Variants in AGBL1 observed in about 807,000 individuals in gnomAD.
AGBL1 encodes AGBL carboxypeptidase 1.
A neutral mutation model predicts 118.9 loss-of-function variants in AGBL1; 130 were observed. The observed-to-expected ratio is 1.09, with a 90% CI of 0.95 to 1.26. The LOEUF is 1.26. AGBL1 is among the 50% of genes most tolerant of loss of function. The pLI is 0.00. For synonymous variants in AGBL1, 555 were observed against 478.9 expected, an observed-to-expected ratio of 1.16 and a Z score of -2.08; for missense variants, 1,584 against 1,298.1, an observed-to-expected ratio of 1.22 and a Z score of -3.38.
intron 6 of AGBL1, among the ~76,000 whole-genome samples, chr15:86,244,090 T>TAAATAA (rs869126841): frequency 1.1e-4 from 10 of 93,458 alleles, no homozygotes; most frequent in Non-Finnish European, 1.8e-4. Context: ...TAAATAAATA[T>TAAATAA]ATATATAAGT....
chr15:86,851,330 A>G (rs763120471), intron 22 of AGBL1, among the ~76,000 whole-genome samples: 3 of 152,160 alleles, frequency 2.0e-5, no homozygotes, highest in African/African-American at 4.8e-5. Context: ...CAAGTCTACT[A>G]GAACTGGCTC....
chr15:87,012,743 C>T (rs1430942168), intron 24 of AGBL1, among the ~76,000 whole-genome samples: 1 of 151,850 alleles, frequency 6.6e-6, no homozygotes, highest in Non-Finnish European at 1.5e-5. Flanking sequence ...GTACAGCAGA[C>T]TAGATAGGGA....
intron 17 of AGBL1, among the ~76,000 whole-genome samples, chr15:86,305,783 A>G (rs1262986735): frequency 6.6e-6 from 1 of 152,108 alleles, no homozygotes; most frequent in African/African-American, 2.4e-5. Context: ...AATTTAGGTA[A>G]AAAGTACTTA....
chr15:86,672,537 TTCCCCTTCTCGCC>T (rs1179830256), intron 21 of AGBL1, among the ~76,000 whole-genome samples: 5 of 152,166 alleles, frequency 3.3e-5, no homozygotes, highest in African/African-American at 1.2e-4. Flanking sequence ...CTTACTCTCA[TTCCCCTTCTCGCC>T]TCCCCTTTGC....
chr15:86,234,965 T>G (rs1207149964), intron 6 of AGBL1, among the ~76,000 whole-genome samples: 1 of 152,206 alleles, frequency 6.6e-6, no homozygotes, highest in Non-Finnish European at 1.5e-5. Context: ...GAGTCTGTCT[T>G]TTTTTCAAGA....
chr15:86,626,320 T>C (rs982853797), intron 21 of AGBL1, among the ~76,000 whole-genome samples: 2 of 152,198 alleles, frequency 1.3e-5, no homozygotes, highest in African/African-American at 4.8e-5. Context: ...TGGAATACCA[T>C]GCAGCTGTGA....
chr15:86,247,918 G>T, intron 7 of AGBL1, 39 bp downstream of exon 7: 1 of 1,602,844 alleles, frequency 6.2e-7, no homozygotes, highest in East Asian at 2.2e-5. Flanking sequence ...CTGGAGGCCA[G>T]CTGGGTGATT....
intron 22 of AGBL1, among the ~76,000 whole-genome samples, chr15:86,702,608 C>G (rs1009004450): frequency 9.9e-5 from 15 of 152,128 alleles, no homozygotes; most frequent in South Asian, 6.2e-4. Flanking sequence ...GCTGCCAAAT[C>G]CACTTCCTTC....
chr15:86,962,957 C>G (rs993961120), intron 23 of AGBL1, among the ~76,000 whole-genome samples: 14 of 152,042 alleles, frequency 9.2e-5, no homozygotes, highest in Non-Finnish European at 1.5e-4. Context: ...AAAACACAAA[C>G]TAGAAACATG....
At chr15:86,630,477 T>C (rs2142434039) in intron 21 of AGBL1, 1 of 152,398 alleles carries the variant, frequency 6.6e-6, no homozygotes. Context: ...AGTGCTAAGA[T>C]GCAAGAGTGC....
intron 22 of AGBL1, among the ~76,000 whole-genome samples, chr15:86,692,071 A>C (rs1242681075): frequency 6.6e-6 from 1 of 152,018 alleles, no homozygotes; most frequent in Non-Finnish European, 1.5e-5. Context: ...TAAGGGTTGT[A>C]AAACTGACCT....
At chr15:86,906,922 T>C (rs1223014499) in intron 22 of AGBL1, among the ~76,000 whole-genome samples, 165 bp from the exon 23 acceptor site, 2 of 152,214 alleles carry the variant, frequency 1.3e-5, no homozygotes, top group Non-Finnish European at 2.9e-5. Flanking sequence ...CACTCTCCTC[T>C]TCCAACCAAT....
intron 22 of AGBL1, among the ~76,000 whole-genome samples, chr15:86,699,116 A>T (rs1261645531): frequency 6.6e-6 from 1 of 151,942 alleles, no homozygotes; most frequent in Non-Finnish European, 1.5e-5. Context: ...TTAGTGTTTT[A>T]ATGTTAACCT....
At chr15:86,859,056 C>T (rs1391518018) in intron 22 of AGBL1, among the ~76,000 whole-genome samples, 1 of 152,214 alleles carries the variant, frequency 6.6e-6, no homozygotes, top group Non-Finnish European at 1.5e-5. Context: ...CCAAGCTCAG[C>T]ACTAGCCTGT....
At chr15:86,904,942 C>T (rs945868580) in intron 22 of AGBL1, among the ~76,000 whole-genome samples, 2 of 151,930 alleles carry the variant, frequency 1.3e-5, no homozygotes, top group Admixed American at 1.3e-4. Flanking sequence ...CTGACAGAGG[C>T]ATGGGCCTTA....
At chr15:86,637,865 C>G (rs2085122935) in intron 21 of AGBL1, among the ~76,000 whole-genome samples, 1 of 152,174 alleles carries the variant, frequency 6.6e-6, no homozygotes, top group African/African-American at 2.4e-5. Flanking sequence ...TGCTTTCTGC[C>G]TGATCTGTGC....
chr15:86,986,033 C>T (rs2081278998), intron 23 of AGBL1, among the ~76,000 whole-genome samples: 1 of 151,932 alleles, frequency 6.6e-6, no homozygotes, highest in Admixed American at 6.6e-5. Flanking sequence ...AAGCCATTCT[C>T]CTGTCTCAGA....
chr15:86,414,769 A>G (rs925567770), intron 18 of AGBL1, among the ~76,000 whole-genome samples: 2 of 152,178 alleles, frequency 1.3e-5, no homozygotes, highest in East Asian at 1.9e-4. Context: ...AACTTGGGCA[A>G]TGTTTCCCCA....
In AGBL1 at chr15:86,722,740, AG is replaced by A. The variant is rs1191818114; in HGVS notation, c.3158+48305del. Among the ~76,000 whole-genome samples, 5 of 152,244 alleles carry A rather than the reference AG, an allele frequency of 3.3e-5. No individual in the cohort carries two copies. The East Asian group carries it at 9.7e-4, about 30-fold the overall frequency. ...CAGGCAACCTGCAGAATGGGAGAAA[AG>A]TTTTGCAATCTACTCATCTGACAAA... On this transcript the variant is annotated intron_variant, in intron 22 of 22. Coordinates refer to ENST00000614907, the MANE Select transcript of AGBL1 (RefSeq NM_001386094.1).
Sources: gnomAD v4.1 joint callset for allele counts (sites outside exome capture counted in the v4.1 genomes callset) on GRCh38, gnomAD v4.1.1 for gene constraint, MANE v1.5 for transcripts, NCBI Gene and HGNC (gene_info 2026-07-23, HGNC 2026-07-21) for gene names.